TRIM68: variants seen among roughly 807,000 people sequenced by gnomAD.
TRIM68 encodes the protein tripartite motif containing 68, also known as E3 ubiquitin-protein ligase TRIM68.
In TRIM68, 36 loss-of-function variants were observed where a neutral mutation model predicts 41.9. The ratio of observed to expected loss-of-function variants is 0.86; its 90% CI spans 0.66 to 1.14. TRIM68 has a LOEUF of 1.14. TRIM68 is among the 50% of genes most tolerant of loss of function. TRIM68 has a pLI of 0.00. For missense variants in TRIM68, 632 were observed against 605.1 expected, an observed-to-expected ratio of 1.04 and a Z score of -0.47; for synonymous variants, 225 against 224.6, an observed-to-expected ratio of 1.00 and a Z score of -0.02.
intron 1 of TRIM68, among the ~76,000 whole-genome samples, chr11:4,606,830 T>C (rs1263907363): frequency 1.3e-5 from 2 of 152,190 alleles, no homozygotes; most frequent in Non-Finnish European, 2.9e-5. Context: ...AAAATCACTG[T>C]GGTTTAGCGC....
In TRIM68 at chr11:4,600,754, T is replaced by G; in HGVS notation, c.980A>C (p.Tyr327Ser). 1 of 1,614,166 alleles carries G rather than the reference T, an allele frequency of 6.2e-7. No homozygotes were observed. Among genetic ancestry groups the G allele is most frequent in the East Asian group, 2.2e-5 (1 of 44,876 alleles). Residue 327 changes from tyrosine to serine, a missense_variant, in exon 7 of 7, where the codon TAT becomes TCT. Tyr to Ser is a moderately radical substitution (Grantham distance 144). Coordinates refer to ENST00000300747, the MANE Select transcript of TRIM68 (RefSeq NM_018073.8). ...TGGCAGTTTCTGGTTGGTGTCTCCA[T>G]AGTGCACACGTTTTCTGTCCTCAGA... ...IVSEDRKRVH[Y>S]GDTNQKLPDN...
chr11:4,605,101 T>C lies in TRIM68; in HGVS notation c.404A>G (p.Glu135Gly). 2 of 1,613,932 alleles carry C rather than the reference T, an allele frequency of 1.2e-6. No homozygotes were observed. Among genetic ancestry groups the C allele is most frequent in the East Asian group, 4.5e-5 (2 of 44,876 alleles). The stretch of plus-strand genomic sequence containing the variant: ...CACCTTGTACTCCCAGGCAACATCC[T>C]CCATTGGCACAACACTGTGGGCCTC... The part of the protein sequence containing the change: ...EHEAHSVVPM[E>G]DVAWEYKWEL... The change falls in exon 2 of 7, where the codon GAG (glutamate) becomes GGG (glycine). Residue 135 changes from glutamate to glycine, a missense_variant. Physicochemically the swap from Glu to Gly is moderately conservative, Grantham distance 98 (BLOSUM62 -2). Transcript: ENST00000300747.
In TRIM68 at chr11:4,605,080, T is replaced by C. The variant is rs147946318; in HGVS notation, c.425A>G (p.Lys142Arg). 6.2e-6 allele frequency: 10 copies of C among 1,613,162 alleles called. No homozygotes were observed. Among genetic ancestry groups the C allele is most frequent in the Non-Finnish European group, 8.5e-6 (10 of 1,179,378 alleles). The change falls in exon 2 of 7, where the codon AAG (lysine) becomes AGG (arginine). Residue 142 changes from lysine (K) to arginine (R), a missense_variant and splice_region_variant. Physicochemically the swap from Lys to Arg is conservative, Grantham distance 26 (BLOSUM62 2). Transcript: ENST00000300747. ...VPMEDVAWEY[K>R]WELHEALEHL... The stretch of plus-strand genomic sequence containing the variant: ...GAGTGGCCAGCTTCCATCTCTCACC[T>C]TGTACTCCCAGGCAACATCCTCCAT...
chr11:4,605,714 G>A (rs1322917026), intron 1 of TRIM68, among the ~76,000 whole-genome samples, 153 bp from the exon 2 acceptor site: 2 of 152,176 alleles, frequency 1.3e-5, no homozygotes, highest in Admixed American at 6.5e-5. Context: ...CCAACTGAAG[G>A]GTGCATGGTC....
At chr11:4,601,216 G>T in intron 5 of TRIM68, 89 bp from the exon 6 acceptor site, 1 of 1,001,356 alleles carries the variant, frequency 1.0e-6, no homozygotes, top group South Asian at 1.3e-5. Flanking sequence ...GCTTGGCCAG[G>T]GACATAGTGA....
Position 4,598,813 on chromosome 11 carries a change from G to A in TRIM68, c.*1463C>T, listed in dbSNP as rs978366763. 1 of 152,216 alleles carries A rather than the reference G, an allele frequency of 6.6e-6. No homozygotes were observed. Among genetic ancestry groups the A allele is most frequent in the Admixed American group, 6.5e-5 (1 of 15,286 alleles). 9.4% of individuals were successfully genotyped at this position (152,216 alleles called of 1,614,324 possible). A position where few individuals can be genotyped will look rare whatever the true frequency, so the allele number is the denominator to read the frequency against. On this transcript the variant is annotated 3_prime_UTR_variant, in exon 7 of 7. Coordinates refer to ENST00000300747, the MANE Select transcript of TRIM68 (RefSeq NM_018073.8). ...TTTGAAGCTCCTTTCTGCCCAAAAG[G>A]TCTAGACTGCCAGCAGAGGCCCTGA...
chr11:4,602,225 T>G lies in TRIM68; in HGVS notation c.710A>C (p.Gln237Pro). 2 of 1,614,204 alleles carry G rather than the reference T, an allele frequency of 1.2e-6. No individual in the cohort carries two copies. Among genetic ancestry groups the G allele is most frequent in the Non-Finnish European group, 1.7e-6 (2 of 1,180,034 alleles). The change falls in exon 4 of 7, where the codon CAG (glutamine) becomes CCG (proline). Residue 237 changes from glutamine (Q) to proline (P), a missense_variant. Coordinates refer to ENST00000300747, the MANE Select transcript of TRIM68 (RefSeq NM_018073.8). ...LELNHSELIQQSQVLWRMIAE... is the reference protein window; with the variant it reads ...LELNHSELIQPSQVLWRMIAE... ...AATCATCCTCCACAGGACCTGGCTCTGCTGGATGAGCTCGCTATGGTTCAA... is the reference window on the plus strand; with the variant it reads ...AATCATCCTCCACAGGACCTGGCTCGGCTGGATGAGCTCGCTATGGTTCAA...
At chr11:4,606,573 G>A (rs541793554) in intron 1 of TRIM68, among the ~76,000 whole-genome samples, 1 of 152,226 alleles carries the variant, frequency 6.6e-6, no homozygotes, top group Non-Finnish European at 1.5e-5. Flanking sequence ...AATCCTTTTA[G>A]CATTTGTGAG....
intron 2 of TRIM68, among the ~76,000 whole-genome samples, chr11:4,603,672 C>A (rs1280305161): frequency 3.3e-5 from 5 of 152,142 alleles, no homozygotes; most frequent in African/African-American, 1.2e-4. Flanking sequence ...CTGCCAGAAC[C>A]TTGTTACTCC....
In TRIM68 at chr11:4,608,153, A is replaced by G. The variant is rs913180679; in HGVS notation, c.-184T>C. On this transcript the variant is annotated 5_prime_UTR_variant, in exon 1 of 7. Transcript: ENST00000300747. ...GGCAGCTCAGCACTTAGGGCCAGAGAGCGGCAGAGGCCCAGAACCCAAAGC... is the reference window on the plus strand; with the variant it reads ...GGCAGCTCAGCACTTAGGGCCAGAGGGCGGCAGAGGCCCAGAACCCAAAGC... The G allele has an allele frequency of 1.3e-5, 2 of 152,614 alleles. No individual in the cohort carries two copies. Among genetic ancestry groups the G allele is most frequent in the Admixed American group, 6.5e-5 (1 of 15,310 alleles). 9.5% of individuals were successfully genotyped at this position (152,614 alleles called of 1,614,324 possible).
intron 4 of TRIM68, 89 bp from the exon 5 acceptor site, chr11:4,601,775 G>T: frequency 2.1e-6 from 3 of 1,454,936 alleles, no homozygotes; most frequent in Non-Finnish European, 2.9e-6. Context: ...TTCTCTAGGG[G>T]AAGGGAGACA....
chr11:4,600,469 C>G lies in TRIM68; in HGVS notation c.1265G>C (p.Arg422Pro). ...PILSLPVPPR[R>P]VGIFVDYEAH... is the part of the protein sequence containing the mutation. ...CTCATAATCCACGAAGATTCCCACC[C>G]GGCGAGGAGGGACCGGCAAGGACAG... The change falls in exon 7 of 7, where the codon CGG becomes CCG. Residue 422 changes from arginine (R) to proline (P), a missense_variant. Coordinates refer to ENST00000300747, the MANE Select transcript of TRIM68 (RefSeq NM_018073.8). 1 of 1,613,276 alleles carries G rather than the reference C, an allele frequency of 6.2e-7. No homozygotes were observed. Among genetic ancestry groups the G allele is most frequent in the Non-Finnish European group, 8.5e-7 (1 of 1,179,558 alleles).
rs772629633 is a variant in TRIM68, at chr11:4,605,324, G to A, written c.181C>T (p.Arg61Ter). The A allele has an allele frequency of 1.3e-5, 21 of 1,614,122 alleles. No individual in the cohort carries two copies. The highest frequency in any genetic ancestry group is 2.2e-5 in the South Asian group (2 of 91,086). ...QNWGYTCPLC[R>*]APVQPRNLRP... The stretch of plus-strand genomic sequence containing the variant: ...AGGTTCCTTGGCTGGACAGGAGCTC[G>A]ACAGAGGGGACAGGTGTAACCCCAG... The change falls in exon 2 of 7, where the codon CGA becomes TGA. Residue 61 changes from arginine (R) to a stop codon, truncating the protein, a stop_gained. Transcript: ENST00000300747. LOFTEE classifies it high-confidence loss of function.
intron 2 of TRIM68, among the ~76,000 whole-genome samples, chr11:4,604,543 C>G (rs1846540452): frequency 6.6e-6 from 1 of 152,226 alleles, no homozygotes; most frequent in Admixed American, 6.5e-5. Flanking sequence ...CCTGAGAAGA[C>G]TATATCAGAT....
Position 4,600,468 on chromosome 11 carries a change from C to T in TRIM68, c.1266G>A (p.Arg422=). 6.2e-7 allele frequency: 1 copy of T among 1,613,368 alleles called. No individual in the cohort carries two copies. Among genetic ancestry groups the T allele is most frequent in the Non-Finnish European group, 8.5e-7 (1 of 1,179,634 alleles). Residue 422 remains arginine (R), a synonymous_variant, in exon 7 of 7, where the codon CGG becomes CGA. Transcript: ENST00000300747. The part of the protein sequence containing the change: ...PILSLPVPPR[R]VGIFVDYEAH... ...CCTCATAATCCACGAAGATTCCCAC[C>T]CGGCGAGGAGGGACCGGCAAGGACA... is the stretch of plus-strand genomic sequence containing the variant.
Position 4,602,165 on chromosome 11 carries a change from C to A in TRIM68, c.770G>T (p.Arg257Leu). 1.2e-6 allele frequency: 2 copies of A among 1,614,182 alleles called. No individual in the cohort carries two copies. The highest frequency in any genetic ancestry group is 1.7e-6 in the Non-Finnish European group (2 of 1,180,030). Reference protein sequence around the residue: ...ELKERSQRPVRWMLQDIQEVL... With the variant: ...ELKERSQRPVLWMLQDIQEVL... Reference sequence around the variant, plus strand: ...CCTACTACTCACCTGCAACATCCAGCGGACAGGCCTCTGCGACCTCTCTTT... The same window carrying A: ...CCTACTACTCACCTGCAACATCCAGAGGACAGGCCTCTGCGACCTCTCTTT... The change falls in exon 4 of 7, where the codon CGC becomes CTC. Residue 257 changes from arginine to leucine, a missense_variant. Physicochemically the swap from Arg to Leu is moderately radical, Grantham distance 102. Coordinates refer to ENST00000300747, the MANE Select transcript of TRIM68 (RefSeq NM_018073.8).
At position 4,601,070 on chromosome 11, in the gene TRIM68, A is replaced by T. The variant is rs1846482084; in HGVS notation, c.864T>A (p.Asp288Glu). 1 of 1,614,006 alleles carries T rather than the reference A, an allele frequency of 6.2e-7. No homozygotes were observed. Among genetic ancestry groups the T allele is most frequent in the African/African-American group, 1.3e-5 (1 of 74,910 alleles). Reference protein sequence around the residue: ...PEPISLELKTDCRVLGLREIL... With the variant: ...PEPISLELKTECRVLGLREIL... ...TCTCTCTTAGCCCCAGCACACGGCA[A>T]TCTGTCTTCAACTCCAGGGAGATTG... Residue 288 changes from aspartate (D) to glutamate (E), a missense_variant, in exon 6 of 7, where the codon GAT (aspartate) becomes GAA (glutamate). Coordinates refer to ENST00000300747, the MANE Select transcript of TRIM68 (RefSeq NM_018073.8).
intron 1 of TRIM68, among the ~76,000 whole-genome samples, chr11:4,607,321 T>G (rs1448643780): frequency 6.6e-6 from 1 of 152,248 alleles, no homozygotes; most frequent in African/African-American, 2.4e-5. Flanking sequence ...GTGCCTCAAA[T>G]ACTTGTTGAA....
chr11:4,603,268 T>C lies in TRIM68; in HGVS notation c.499A>G (p.Arg167Gly), dbSNP rs1564865666. Residue 167 changes from arginine to glycine, a missense_variant, in exon 3 of 7, where the codon AGG becomes GGG. Coordinates refer to ENST00000300747, the MANE Select transcript of TRIM68 (RefSeq NM_018073.8). ...GCCTTCCAGGTGGCAGTTCGTTTCCTTTCACCAACTTCAAGCTTCCAGGCC... is the reference window on the plus strand; with the variant it reads ...GCCTTCCAGGTGGCAGTTCGTTTCCCTTCACCAACTTCAAGCTTCCAGGCC... Reference protein sequence around the residue: ...EEAWKLEVGERKRTATWKIQV... With the variant: ...EEAWKLEVGEGKRTATWKIQV... 2 of 1,614,144 alleles carry C rather than the reference T, an allele frequency of 1.2e-6. No homozygotes were observed. The highest frequency in any genetic ancestry group is 1.7e-6 in the Non-Finnish European group (2 of 1,180,042).
Sources: gnomAD v4.1 joint callset for allele counts (sites outside exome capture counted in the v4.1 genomes callset) on GRCh38, gnomAD v4.1.1 for gene constraint, MANE v1.5 for transcripts, NCBI Gene and HGNC (gene_info 2026-07-23, HGNC 2026-07-21) for gene names.